The following ARHGAP23 variants were observed in gnomAD, a reference collection of about 807,000 sequenced individuals.
The protein encoded by ARHGAP23 is Rho GTPase activating protein 23, also known as rho GTPase-activating protein 23.
Under a neutral mutation model 136.3 loss-of-function variants are expected in ARHGAP23, and 34 were observed. The ratio of observed to expected loss-of-function variants is 0.25; its 90% confidence interval spans 0.19 to 0.33. The LOEUF is 0.33. Ranked by LOEUF, ARHGAP23 falls within the 10% of genes least tolerant of loss-of-function variation. ARHGAP23 has a pLI of 1.00. For missense variants in ARHGAP23, 1,808 were observed against 2,139.0 expected (o/e 0.85, Z 3.05); for synonymous variants, 832 against 920.5 (o/e 0.90, Z 1.74).
intron 23 of ARHGAP23, among the ~76,000 whole-genome samples, chr17:38,509,625 A>G (rs1045986945): frequency 2.6e-5 from 4 of 152,074 alleles, no homozygotes; most frequent in African/African-American, 7.2e-5. Context: ...CACTGTGGAG[A>G]GATTGTCATC....
At chr17:38,506,142 T>TAGG (rs1169428357) in intron 23 of ARHGAP23, among the ~76,000 whole-genome samples, 1 of 152,234 alleles carries the variant, frequency 6.6e-6, no homozygotes, top group African/African-American at 2.4e-5. Flanking sequence ...TCATCGCTGA[T>TAGG]TCCTAAGTTT....
intron 2 of ARHGAP23, among the ~76,000 whole-genome samples, chr17:38,459,088 C>T (rs562020045): frequency 6.6e-6 from 1 of 152,266 alleles, no homozygotes; most frequent in African/African-American, 2.4e-5. Flanking sequence ...TAGGGCTCTG[C>T]TCCCATCACC....
chr17:38,457,999 C>A, intron 1 of ARHGAP23, 103 bp from the exon 2 acceptor site: 1 of 1,402,308 alleles, frequency 7.1e-7, no homozygotes, highest in African/African-American at 1.4e-5. Flanking sequence ...GGCGAAAGAC[C>A]CCTTCTGGTG....
chr17:38,492,713 C>T (rs957223917), intron 20 of ARHGAP23, among the ~76,000 whole-genome samples: 6 of 152,316 alleles, frequency 3.9e-5, no homozygotes, highest in African/African-American at 7.2e-5. Context: ...CTCAGGGCTC[C>T]GAGCCACAGG....
At chr17:38,428,154 G>C (rs1201903738), upstream of ARHGAP23, among the ~76,000 whole-genome samples, 4 of 152,156 alleles carry the variant, frequency 2.6e-5, no homozygotes, top group African/African-American at 9.7e-5. Context: ...TCCTGGGCCT[G>C]GATGGCCCTC....
intron 11 of ARHGAP23, among the ~76,000 whole-genome samples, chr17:38,474,950 C>T (rs1167428166): frequency 6.6e-5 from 10 of 152,116 alleles, no homozygotes; most frequent in Admixed American, 1.3e-4. Context: ...CTCCCCCTGC[C>T]GGGGAGCCTG....
chr17:38,460,554 G>T (rs193013065), intron 2 of ARHGAP23, among the ~76,000 whole-genome samples: 5 of 152,264 alleles, frequency 3.3e-5, no homozygotes, highest in African/African-American at 9.6e-5. Context: ...TGTAGTTTGC[G>T]CTTGTCACGT....
chr17:38,437,602 G>A (rs1432226681), intron 1 of ARHGAP23, among the ~76,000 whole-genome samples: 1 of 147,906 alleles, frequency 6.8e-6, no homozygotes, highest in Admixed American at 6.8e-5. Context: ...GGACAACAGA[G>A]CAAGACCCTA....
chr17:38,454,969 A>G (rs1291856298), intron 1 of ARHGAP23, among the ~76,000 whole-genome samples: 1 of 152,178 alleles, frequency 6.6e-6, no homozygotes, highest in Non-Finnish European at 1.5e-5. Flanking sequence ...GGCCAGGAGA[A>G]TTTAATCAGC....
In ARHGAP23 at chr17:38,510,688, CGGCGCCGGAGCAGCT is replaced by C; in HGVS notation, c.4200_4214del (p.Ser1401_Arg1405del). 4 of 1,415,194 alleles carry C rather than the reference CGGCGCCGGAGCAGCT, an allele frequency of 2.8e-6. No individual in the cohort carries two copies. Among genetic ancestry groups the C allele is most frequent in the Non-Finnish European group, 2.7e-6 (3 of 1,093,098 alleles). 87.7% of individuals were successfully genotyped at this position (1,415,194 alleles called of 1,614,324 possible). A position where few individuals can be genotyped will look rare whatever the true frequency, so the allele number is the denominator to read the frequency against. The stretch of plus-strand genomic sequence containing the variant: ...GCGGCCGCTGTCGCCCGAGACCCGG[CGGCGCCGGAGCAGCT>C]GGCGCCGCCACACCGTGGTGGTGCA... On this transcript the variant is annotated inframe_deletion, in exon 24 of 24. Coordinates refer to ENST00000622683, the MANE Select transcript of ARHGAP23 (RefSeq NM_001199417.2). The surrounding 1 kb of genome is among the most constrained non-coding windows in gnomAD (Gnocchi z 4.6).
chr17:38,463,726 G>C (rs945893273), intron 6 of ARHGAP23, among the ~76,000 whole-genome samples: 1 of 152,028 alleles, frequency 6.6e-6, no homozygotes, highest in South Asian at 2.1e-4. Flanking sequence ...GGGTGTCTCT[G>C]GTGGGTGTGT....
chr17:38,474,169 C>T (rs372277925), intron 11 of ARHGAP23, among the ~76,000 whole-genome samples: 1 of 152,208 alleles, frequency 6.6e-6, no homozygotes, highest in Non-Finnish European at 1.5e-5. Context: ...GAGCTGCCTG[C>T]CTTGGCCTCC....
intron 14 of ARHGAP23, 57 bp downstream of exon 14, chr17:38,479,940 G>A (rs1347998133): frequency 2.6e-6 from 4 of 1,521,636 alleles, no homozygotes; most frequent in African/African-American, 1.4e-5. Context: ...CATGGGGAGG[G>A]GAGGGCACGC....
intron 1 of ARHGAP23, 89 bp downstream of exon 1, chr17:38,428,637 C>G (rs2144474359): frequency 1.1e-6 from 1 of 910,542 alleles, no homozygotes; most frequent in African/African-American, 1.8e-5. Context: ...CCCGCTCGCC[C>G]TGCACAGCCT....
At chr17:38,505,764 A>G (rs1228570802) in intron 23 of ARHGAP23, among the ~76,000 whole-genome samples, 1 of 152,174 alleles carries the variant, frequency 6.6e-6, no homozygotes, top group Admixed American at 6.5e-5. Context: ...CCCCGTCTCT[A>G]CTAAAAATAC....
chr17:38,481,012 G>A (rs746993648), intron 14 of ARHGAP23, among the ~76,000 whole-genome samples: 2 of 151,862 alleles, frequency 1.3e-5, no homozygotes, highest in Non-Finnish European at 2.9e-5. Context: ...TAGAGACAGA[G>A]TCTCATTCTG....
intron 6 of ARHGAP23, among the ~76,000 whole-genome samples, chr17:38,465,245 C>T (rs909574519): frequency 6.8e-6 from 1 of 146,290 alleles, no homozygotes; most frequent in African/African-American, 2.8e-5. Flanking sequence ...TGTGGTTTAG[C>T]TTGTCCTCAT....
At chr17:38,464,856 C>T (rs1393987489) in intron 6 of ARHGAP23, among the ~76,000 whole-genome samples, 2 of 152,194 alleles carry the variant, frequency 1.3e-5, no homozygotes, top group East Asian at 1.9e-4. Flanking sequence ...GAGGGTGGGG[C>T]CCAGGCATTC....
intron 1 of ARHGAP23, among the ~76,000 whole-genome samples, chr17:38,441,018 T>TCCAAGCCTGC (rs1269207121): frequency 6.6e-6 from 1 of 152,156 alleles, no homozygotes; most frequent in African/African-American, 2.4e-5. Flanking sequence ...GCCTGGGAAA[T>TCCAAGCCTGC]GCAGCTGCAG....
Sources: gnomAD v4.1 joint callset for allele counts (sites outside exome capture counted in the v4.1 genomes callset) on GRCh38, gnomAD v4.1.1 for gene constraint, Gnocchi (gnomAD v3.1) non-coding constraint, MANE v1.5 for transcripts, NCBI Gene and HGNC (gene_info 2026-07-23, HGNC 2026-07-21) for gene names.